Variants in DIS3L2 observed in about 807,000 individuals in gnomAD.
DIS3L2 encodes DIS3-like exonuclease 2.
A neutral mutation model predicts 97.5 loss-of-function variants in DIS3L2; 34 were observed. The ratio of observed to expected loss-of-function variants is 0.35; its 90% CI spans 0.27 to 0.46. DIS3L2 has a LOEUF of 0.46. Ranked by LOEUF, DIS3L2 falls within the 20% of genes least tolerant of loss-of-function variation. DIS3L2 has a pLI of 1.00. For synonymous variants in DIS3L2, 435 were observed against 445.2 expected (o/e 0.98, Z 0.29); for missense variants, 1,038 against 1,146.0 (o/e 0.91, Z 1.36).
At chr2:232,146,406 T>G (rs1420446058) in intron 8 of DIS3L2, among the ~76,000 whole-genome samples, 1 of 152,224 alleles carries the variant, frequency 6.6e-6, no homozygotes, top group African/African-American at 2.4e-5. Context: ...AATGCCTGAC[T>G]CAGAGTGACT....
chr2:232,086,181 A>G lies in DIS3L2; in HGVS notation c.367-1306A>G, dbSNP rs1291928859. Among the ~76,000 whole-genome samples the G allele has an allele frequency of 4.1e-5, 6 of 147,330 alleles. 1 individual carries two copies. The highest frequency in any genetic ancestry group is 5.9e-5 in the Non-Finnish European group (4 of 67,438). On this transcript the variant is annotated intron_variant, in intron 5 of 20. Coordinates refer to ENST00000325385, the MANE Select transcript of DIS3L2 (RefSeq NM_152383.5). ...GTGTGCTTTATACGTATATACGTATATATACACACGTATAGACGTGTATAC... is the reference window on the plus strand; with the variant it reads ...GTGTGCTTTATACGTATATACGTATGTATACACACGTATAGACGTGTATAC...
intron 14 of DIS3L2, among the ~76,000 whole-genome samples, chr2:232,314,796 A>C (rs1695225994): frequency 1.3e-5 from 2 of 152,234 alleles, no homozygotes; most frequent in Non-Finnish European, 2.9e-5. Flanking sequence ...GCAGCAATCC[A>C]GCATGACTCG....
chr2:232,238,361 G>A (rs981809110), intron 10 of DIS3L2, among the ~76,000 whole-genome samples, 172 bp from the exon 11 acceptor site: 2 of 152,190 alleles, frequency 1.3e-5, no homozygotes, highest in Non-Finnish European at 2.9e-5. Context: ...AGTGACAGTA[G>A]TGCGGGTCAC....
intron 14 of DIS3L2, 67 bp downstream of exon 14, chr2:232,300,186 G>T: frequency 6.8e-7 from 1 of 1,466,202 alleles, no homozygotes; most frequent in South Asian, 1.2e-5. Flanking sequence ...TGGGCTTTCT[G>T]ACACTGAGCT....
chr2:232,143,792 C>T (rs1690139236), intron 8 of DIS3L2, among the ~76,000 whole-genome samples: 1 of 151,930 alleles, frequency 6.6e-6, no homozygotes, highest in East Asian at 1.9e-4. Context: ...ATAACATCAC[C>T]AATACTGTTC....
chr2:232,333,755 CGGT>C, intron 16 of DIS3L2, 82 bp from the exon 17 acceptor site: 204 of 1,488,730 alleles, frequency 1.4e-4, no homozygotes, highest in Admixed American at 6.8e-4. Context: ...TCGCTGCCGA[CGGT>C]GAGGCTGTGG....
intron 14 of DIS3L2, among the ~76,000 whole-genome samples, chr2:232,316,924 G>C (rs1185776105): frequency 1.3e-5 from 2 of 152,136 alleles, no homozygotes; most frequent in African/African-American, 2.4e-5. Flanking sequence ...TCATTGTACC[G>C]TTCCTGAAGA....
At position 232,015,689 on chromosome 2, in the gene DIS3L2, G is replaced by A; in HGVS notation, c.210+18G>A. ...TCATCCAGGTGCTTAAAATCTACTG[G>A]AAGGCTATTCTCTGAATATGTAGAA... On this transcript the variant is annotated intron_variant, in intron 3 of 20. Transcript: ENST00000325385. 1 of 1,612,422 alleles carries A rather than the reference G, an allele frequency of 6.2e-7. No individual in the cohort carries two copies. Among genetic ancestry groups the A allele is most frequent in the Non-Finnish European group, 8.5e-7 (1 of 1,179,382 alleles).
At chr2:232,017,258 C>A (rs1192019065) in intron 3 of DIS3L2, among the ~76,000 whole-genome samples, 1 of 152,064 alleles carries the variant, frequency 6.6e-6, no homozygotes, top group Admixed American at 6.6e-5. Context: ...GCCATCATGC[C>A]TGGCTAATTT....
chr2:231,993,770 T>A (rs1038063932), intron 1 of DIS3L2, among the ~76,000 whole-genome samples: 2 of 152,126 alleles, frequency 1.3e-5, no homozygotes, highest in Non-Finnish European at 2.9e-5. Context: ...TGCATTTTTT[T>A]TTTTTTTTTG....
At chr2:232,329,785 T>TCCCCGGGGCACC in intron 14 of DIS3L2, 28 bp from the exon 15 acceptor site, 1 of 967,144 alleles carries the variant, frequency 1.0e-6, no homozygotes, top group South Asian at 2.1e-5. Flanking sequence ...ACCCCAGCGG[T>TCCCCGGGGCACC]CCCTCCCATC....
At chr2:232,012,754 G>T (rs1039537934) in intron 1 of DIS3L2, among the ~76,000 whole-genome samples, 1 of 152,078 alleles carries the variant, frequency 6.6e-6, no homozygotes, top group African/African-American at 2.4e-5. Context: ...GGGTAAGAGT[G>T]CCCAGGACTT....
intron 5 of DIS3L2, among the ~76,000 whole-genome samples, chr2:232,061,370 G>A (rs139699409): frequency 7.2e-5 from 11 of 152,346 alleles, no homozygotes; most frequent in East Asian, 5.8e-4. Context: ...TGTTTCTTGC[G>A]TGATTGGAGA....
intron 9 of DIS3L2, among the ~76,000 whole-genome samples, chr2:232,208,769 T>G (rs1385150803): frequency 6.6e-6 from 1 of 152,186 alleles, no homozygotes; most frequent in Admixed American, 6.5e-5. Flanking sequence ...AGCTCACACC[T>G]GTAATCCCAG....
At chr2:232,068,208 A>G (rs1425418209) in intron 5 of DIS3L2, among the ~76,000 whole-genome samples, 1 of 152,180 alleles carries the variant, frequency 6.6e-6, no homozygotes, top group African/African-American at 2.4e-5. Context: ...TTTAAAATCT[A>G]GCAATATGTA....
rs1485325925 is a variant in DIS3L2 at position 232,180,885 on chromosome 2, T to C, written c.1124+17253T>C. Among the ~76,000 whole-genome samples the C allele has an allele frequency of 1.1e-3, 8 of 7,130 alleles. 1 individual carries two copies. The East Asian group carries it at 0.015, about 14-fold the overall frequency. 4.7% of individuals were successfully genotyped at this position (7,130 alleles called of 152,430 possible). On this transcript the variant is annotated intron_variant, in intron 9 of 20. Coordinates refer to ENST00000325385, the MANE Select transcript of DIS3L2 (RefSeq NM_152383.5). Reference sequence around the variant, plus strand: ...TTAGCTGGTGATTTTGCTCGTTAGTTGATGCAGTTTCTTCCTAGTCTCGAT... The same window carrying C: ...TTAGCTGGTGATTTTGCTCGTTAGTCGATGCAGTTTCTTCCTAGTCTCGAT...
chr2:232,337,481 G>A (rs1695997824), downstream of DIS3L2, among the ~76,000 whole-genome samples: 1 of 152,100 alleles, frequency 6.6e-6, no homozygotes, highest in African/African-American at 2.4e-5. Context: ...AAACCAGGAG[G>A]GGAAACTGGC....
chr2:232,343,064 G>C, intron 13 of DIS3L2: 1 of 385,182 alleles, frequency 2.6e-6, no homozygotes, highest in Non-Finnish European at 4.8e-6. Flanking sequence ...GCATCACACT[G>C]CTCTGCTGTC....
intron 6 of DIS3L2, among the ~76,000 whole-genome samples, chr2:232,107,013 A>G (rs540894415): frequency 2.0e-5 from 3 of 152,336 alleles, no homozygotes; most frequent in African/African-American, 7.2e-5. Context: ...CTTTTGGGTA[A>G]ATAATGAAAT....
Sources: gnomAD v4.1 joint callset for allele counts (sites outside exome capture counted in the v4.1 genomes callset) on GRCh38, gnomAD v4.1.1 for gene constraint, MANE v1.5 for transcripts, NCBI Gene and HGNC (gene_info 2026-07-23, HGNC 2026-07-21) for gene names.